COP1: variants seen among roughly 807,000 people sequenced by gnomAD.
COP1 encodes the protein E3 ubiquitin-protein ligase COP1.
COP1 carries 24 observed loss-of-function variants against 101.3 expected under a neutral mutation model. The ratio of observed to expected loss-of-function variants is 0.24; its 90% CI spans 0.17 to 0.33. The LOEUF (loss-of-function observed/expected upper bound fraction) is 0.33, where lower values mean the gene tolerates loss of function less well. Among genes scored for constraint, COP1 ranks in the 10% least tolerant of loss-of-function variants. The pLI, the probability that COP1 is intolerant of heterozygous loss-of-function variation, is 1.00. For missense variants in COP1, 663 were observed against 906.2 expected (o/e 0.73, Z 3.45); for synonymous variants, 347 against 341.9 (o/e 1.01, Z -0.17).
chr1:176,124,017 G>C (rs1687581707), intron 8 of COP1, among the ~76,000 whole-genome samples: 1 of 152,102 alleles, frequency 6.6e-6, no homozygotes, highest in Admixed American at 6.5e-5. Flanking sequence ...TGACACTCAT[G>C]AACACTGCAG....
At chr1:175,973,128 G>C (rs989078380) in intron 18 of COP1, among the ~76,000 whole-genome samples, 1 of 152,140 alleles carries the variant, frequency 6.6e-6, no homozygotes, top group African/African-American at 2.4e-5. Context: ...CACCCCATCT[G>C]GCCAAGCCTT....
intron 11 of COP1, among the ~76,000 whole-genome samples, chr1:176,058,270 C>T (rs1431928919): frequency 6.6e-6 from 1 of 152,040 alleles, no homozygotes; most frequent in East Asian, 1.9e-4. Flanking sequence ...GGAGGTGTAC[C>T]CAACAGCTCA....
intron 18 of COP1, among the ~76,000 whole-genome samples, chr1:175,957,797 G>A (rs1346310755): frequency 2.0e-5 from 3 of 152,082 alleles, no homozygotes; most frequent in Non-Finnish European, 2.9e-5. Flanking sequence ...TTAAAGATTG[G>A]TGAATAGATA....
chr1:176,134,989 T>C (rs368859772), intron 8 of COP1, 21 bp downstream of exon 8: 7 of 1,576,228 alleles, frequency 4.4e-6, no homozygotes, highest in Middle Eastern at 1.7e-4. Context: ...TTCTAATCAA[T>C]TGCAAGTGTG....
At chr1:176,169,798 C>G (rs908262329) in intron 3 of COP1, among the ~76,000 whole-genome samples, 1 of 152,170 alleles carries the variant, frequency 6.6e-6, no homozygotes, top group African/African-American at 2.4e-5. Flanking sequence ...GCTGCATCAA[C>G]TGATTCTTCC....
At chr1:176,022,388 C>T (rs1422636595) in intron 15 of COP1, among the ~76,000 whole-genome samples, 1 of 152,004 alleles carries the variant, frequency 6.6e-6, no homozygotes, top group African/African-American at 2.4e-5. Flanking sequence ...ACTCCAAAAG[C>T]AATGTTTAAG....
intron 11 of COP1, among the ~76,000 whole-genome samples, chr1:176,080,702 A>G (rs1030388476): frequency 3.9e-5 from 6 of 152,240 alleles, no homozygotes; most frequent in Admixed American, 3.3e-4. Context: ...CAAACTAATT[A>G]TAATGCTAAA....
At chr1:175,964,654 G>A (rs1196897434) in intron 18 of COP1, among the ~76,000 whole-genome samples, 1 of 152,166 alleles carries the variant, frequency 6.6e-6, no homozygotes, top group Non-Finnish European at 1.5e-5. Context: ...AGTTTAAATT[G>A]TATGTCCATT....
intron 1 of COP1, among the ~76,000 whole-genome samples, chr1:176,192,864 A>AT (rs1221122778): frequency 2.6e-5 from 4 of 152,270 alleles, no homozygotes; most frequent in African/African-American, 9.6e-5. Flanking sequence ...CCCTACTTTG[A>AT]TTTTTAAGAT....
chr1:175,956,992 A>T (rs1650734434), intron 18 of COP1, among the ~76,000 whole-genome samples: 1 of 152,310 alleles, frequency 6.6e-6, no homozygotes, highest in Non-Finnish European at 1.5e-5. Context: ...AATGGAAGAA[A>T]GCTTACAGAA....
chr1:176,105,713 T>A (rs1222597106), intron 9 of COP1, among the ~76,000 whole-genome samples: 1 of 152,242 alleles, frequency 6.6e-6, no homozygotes, highest in African/African-American at 2.4e-5. Context: ...AATAATTTTC[T>A]GTAATCATGA....
chr1:176,173,818 T>A (rs1423737060), intron 3 of COP1, among the ~76,000 whole-genome samples: 1 of 150,794 alleles, frequency 6.6e-6, no homozygotes, highest in East Asian at 1.9e-4. Context: ...TGAAACCCCG[T>A]CTCTACTAAA....
intron 1 of COP1, among the ~76,000 whole-genome samples, chr1:176,192,472 A>T (rs1480921271): frequency 6.6e-6 from 1 of 152,154 alleles, no homozygotes; most frequent in Non-Finnish European, 1.5e-5. Flanking sequence ...TACAATATAC[A>T]GCCCCTTCAG....
chr1:176,038,010 G>A (rs991466394), intron 14 of COP1, among the ~76,000 whole-genome samples: 2 of 152,194 alleles, frequency 1.3e-5, no homozygotes, highest in Non-Finnish European at 2.9e-5. Flanking sequence ...GTTTCTATTT[G>A]CAGATGACGT....
At chr1:176,028,320 T>C (rs1167579850) in intron 14 of COP1, among the ~76,000 whole-genome samples, 1 of 151,944 alleles carries the variant, frequency 6.6e-6, no homozygotes, top group Non-Finnish European at 1.5e-5. Context: ...ATCACAGCAC[T>C]TTGGGAGGCT....
intron 1 of COP1, among the ~76,000 whole-genome samples, chr1:176,186,911 T>C (rs1698517964): frequency 6.6e-6 from 1 of 152,042 alleles, no homozygotes; most frequent in Non-Finnish European, 1.5e-5. Flanking sequence ...GCCTGAAAAC[T>C]GGAAGAAATG....
chr1:175,983,274 C>T (rs1656301082), intron 18 of COP1, among the ~76,000 whole-genome samples: 1 of 152,114 alleles, frequency 6.6e-6, no homozygotes, highest in African/African-American at 2.4e-5. Flanking sequence ...TGGAAGGGAC[C>T]CAGTGGGAGG....
intron 9 of COP1, among the ~76,000 whole-genome samples, chr1:176,109,663 T>C (rs148757990): frequency 6.6e-6 from 1 of 152,198 alleles, no homozygotes; most frequent in Non-Finnish European, 1.5e-5. Context: ...TACTGGTCTA[T>C]CCCAATTGTC....
chr1:176,111,799 G>A (rs1036488240), intron 9 of COP1, among the ~76,000 whole-genome samples: 1 of 151,932 alleles, frequency 6.6e-6, no homozygotes, highest in Non-Finnish European at 1.5e-5. Context: ...TATTTCAATT[G>A]TTTTTGTCTC....
Sources: allele counts gnomAD v4.1 joint callset (sites outside exome capture counted in the v4.1 genomes callset), GRCh38; gene constraint gnomAD v4.1.1; transcripts MANE v1.5; gene names NCBI Gene and HGNC (gene_info 2026-07-23, HGNC 2026-07-21).